The following WDR25 variants were observed in gnomAD, a reference collection of about 807,000 sequenced individuals.
WDR25 encodes the protein WD repeat-containing protein 25.
A neutral mutation model predicts 47.7 loss-of-function variants in WDR25; 35 were observed. That is an observed-to-expected ratio of 0.73 (90% confidence interval 0.56 to 0.97). The LOEUF is 0.97. Among genes scored for constraint, WDR25 ranks in the 50% least tolerant of loss-of-function variants. The pLI, the probability that WDR25 is intolerant of heterozygous loss-of-function variation, is 0.00. For missense variants in WDR25, 634 were observed against 704.7 expected (o/e 0.90, Z 1.14); for synonymous variants, 248 against 278.9 (o/e 0.89, Z 1.10).
At position 100,468,096 on chromosome 14, in the gene WDR25, T is replaced by C. The variant is rs746115534; in HGVS notation, c.898T>C (p.Trp300Arg). The C allele has an allele frequency of 1.2e-5, 20 of 1,613,434 alleles. No homozygotes were observed. Among genetic ancestry groups the C allele is most frequent in the Non-Finnish European group, 1.6e-5 (19 of 1,180,018 alleles). Reference sequence around the variant, plus strand: ...CACAGAGGCAGTGCGGGCCGCCCGGTGGGCTCCCTGTGGCCGGCGCATCCT... The same window carrying C: ...CACAGAGGCAGTGCGGGCCGCCCGGCGGGCTCCCTGTGGCCGGCGCATCCT... ...LHTEAVRAAR[W>R]APCGRRILSG... The change falls in exon 3 of 7, where the codon TGG becomes CGG. Residue 300 changes from tryptophan (W) to arginine (R), a missense_variant. Physicochemically the swap from Trp to Arg is moderately radical, Grantham distance 101. Coordinates refer to ENST00000402312, the MANE Select transcript of WDR25 (RefSeq NM_001161476.3). This position sits in a 1 kb window ranked among gnomAD's most constrained non-coding sequence, Gnocchi z 4.5.
At chr14:100,515,540 G>A (rs147156788) in intron 4 of WDR25, among the ~76,000 whole-genome samples, 119 of 152,188 alleles carry the variant, frequency 7.8e-4, no homozygotes, top group African/African-American at 2.7e-3. Context: ...TATCTTTCAT[G>A]TGTATTATCC....
chr14:100,440,198 G>C lies in WDR25; in HGVS notation c.823-27823G>C, dbSNP rs892426343. On this transcript the variant is annotated intron_variant, in intron 2 of 6. Transcript: ENST00000402312. This position sits in a 1 kb window ranked among gnomAD's most constrained non-coding sequence, Gnocchi z 4.4. ...CGTTTTCCTTTTTCAATTTCAACCTGACTCCATTCCTCTCTTTATGTGTGT... is the reference window on the plus strand; with the variant it reads ...CGTTTTCCTTTTTCAATTTCAACCTCACTCCATTCCTCTCTTTATGTGTGT... Among the ~76,000 whole-genome samples the C allele has an allele frequency of 1.3e-5, 2 of 152,218 alleles. No homozygotes were observed. Among genetic ancestry groups the C allele is most frequent in the African/African-American group, 4.8e-5 (2 of 41,448 alleles).
chr14:100,501,443 G>T (rs1035426175), intron 4 of WDR25, among the ~76,000 whole-genome samples: 24 of 152,176 alleles, frequency 1.6e-4, no homozygotes, highest in Non-Finnish European at 1.5e-5. Flanking sequence ...CCCCCAGCCA[G>T]ACAGCATACC....
intron 2 of WDR25, among the ~76,000 whole-genome samples, chr14:100,415,455 G>A (rs747706245): frequency 1.3e-5 from 2 of 152,136 alleles, no homozygotes; most frequent in Non-Finnish European, 2.9e-5. Context: ...AGCAAGCCAC[G>A]AACAGCTGAT....
At chr14:100,492,576 A>T (rs1192706502) in intron 4 of WDR25, among the ~76,000 whole-genome samples, 1 of 152,198 alleles carries the variant, frequency 6.6e-6, no homozygotes, top group East Asian at 1.9e-4. Flanking sequence ...TATAAATATG[A>T]TGTTTCTGTA....
intron 2 of WDR25, among the ~76,000 whole-genome samples, chr14:100,389,964 T>G (rs1345164666): frequency 6.6e-6 from 1 of 152,240 alleles, no homozygotes; most frequent in East Asian, 1.9e-4. Context: ...TGTCCCTGGA[T>G]TGAGCGTCTC....
At chr14:100,388,930 T>C (rs1566885134) in intron 2 of WDR25, among the ~76,000 whole-genome samples, 2 of 152,172 alleles carry the variant, frequency 1.3e-5, no homozygotes, top group Non-Finnish European at 2.9e-5. Context: ...CCCATGTCAT[T>C]AAGGGAAGGA....
chr14:100,382,460 C>T (rs1367594994), intron 2 of WDR25, among the ~76,000 whole-genome samples: 1 of 152,150 alleles, frequency 6.6e-6, no homozygotes, highest in East Asian at 1.9e-4. Flanking sequence ...GGACTTGAGG[C>T]TGGGGAAGCA....
chr14:100,503,025 ATG>A (rs1195583006), intron 4 of WDR25, among the ~76,000 whole-genome samples: 1 of 151,118 alleles, frequency 6.6e-6, no homozygotes, highest in Non-Finnish European at 1.5e-5. Flanking sequence ...CCATCCATGC[ATG>A]TGTGTGTGTC....
At chr14:100,461,548 G>T (rs1899412812) in intron 2 of WDR25, among the ~76,000 whole-genome samples, 1 of 152,186 alleles carries the variant, frequency 6.6e-6, no homozygotes, top group Non-Finnish European at 1.5e-5. Context: ...TATTATTAAG[G>T]TGTTTCCCCA....
rs111801194 is a variant in WDR25 at position 100,516,096 on chromosome 14, G to A, written c.1102-9774G>A. ...GTGAATTTTACTTTTTGGGTATTCA[G>A]TATTTTGTTGTGCTTTACATATTTT... On this transcript the variant is annotated intron_variant, in intron 4 of 6. Coordinates refer to ENST00000402312, the MANE Select transcript of WDR25 (RefSeq NM_001161476.3). 2.2e-3 allele frequency among the ~76,000 whole-genome samples: 330 copies of A among 151,964 alleles called. 2 individuals carry two copies. Among genetic ancestry groups the A allele is most frequent in the African/African-American group, 7.9e-3 (326 of 41,428 alleles).
chr14:100,473,634 A>G (rs555908831), intron 3 of WDR25, among the ~76,000 whole-genome samples: 26 of 152,312 alleles, frequency 1.7e-4, no homozygotes, highest in African/African-American at 3.4e-4. Flanking sequence ...CCACGCTCCA[A>G]TGACGACTTT....
intron 2 of WDR25, among the ~76,000 whole-genome samples, chr14:100,462,483 CT>C (rs1471889156): frequency 6.6e-6 from 1 of 152,204 alleles, no homozygotes; most frequent in Non-Finnish European, 1.5e-5. Context: ...AGATTCTTCC[CT>C]CCTTCACCCT....
intron 2 of WDR25, among the ~76,000 whole-genome samples, chr14:100,460,428 A>G (rs1899371699): frequency 6.6e-6 from 1 of 152,186 alleles, no homozygotes; most frequent in Admixed American, 6.5e-5. Context: ...AAATTTTTAA[A>G]TAAAATTTTA....
At chr14:100,479,537 C>G (rs187575078) in intron 3 of WDR25, among the ~76,000 whole-genome samples, 94 of 151,770 alleles carry the variant, frequency 6.2e-4, no homozygotes, top group African/African-American at 2.2e-3. Context: ...AGCACAAAGA[C>G]CATCATCTTA....
At position 100,495,107 on chromosome 14, in the gene WDR25, A is replaced by T. The variant is rs113647070; in HGVS notation, c.1101+10983A>T. Among the ~76,000 whole-genome samples the T allele has an allele frequency of 6.0e-4, 92 of 152,384 alleles. 2 individuals are homozygous for T. Among genetic ancestry groups the T allele is most frequent in the African/African-American group, 2.1e-3 (86 of 41,586 alleles). ...CGTGGTGGCTCACGCCTGTAATCCC[A>T]GCACTTTGGGAGGCCGAGGAGGGCG... On this transcript the variant is annotated intron_variant, in intron 4 of 6. Transcript: ENST00000402312.
At chr14:100,401,696 ACATATT>A (rs1322154790) in intron 2 of WDR25, among the ~76,000 whole-genome samples, 1 of 152,162 alleles carries the variant, frequency 6.6e-6, no homozygotes, top group Non-Finnish European at 1.5e-5. Context: ...AGGAAGAAAA[ACATATT>A]CATACAGAGG....
intron 2 of WDR25, among the ~76,000 whole-genome samples, chr14:100,466,242 G>A (rs1899624478): frequency 6.6e-6 from 1 of 152,166 alleles, no homozygotes; most frequent in South Asian, 2.1e-4. Context: ...GAGGAAGAAA[G>A]GAACTGAGCT....
intron 2 of WDR25, among the ~76,000 whole-genome samples, chr14:100,383,501 C>A (rs1401922089): frequency 6.6e-6 from 1 of 152,202 alleles, no homozygotes; most frequent in Non-Finnish European, 1.5e-5. Context: ...TGCTCACCTT[C>A]CTGTTGAGGC....
Sources: gnomAD v4.1 joint callset for allele counts (sites outside exome capture counted in the v4.1 genomes callset) on GRCh38, gnomAD v4.1.1 for gene constraint, Gnocchi (gnomAD v3.1) non-coding constraint, MANE v1.5 for transcripts, NCBI Gene and HGNC (gene_info 2026-07-23, HGNC 2026-07-21) for gene names.